Variants in TNNI3K observed in about 807,000 individuals in gnomAD.
TNNI3K encodes the protein serine/threonine-protein kinase TNNI3K.
In TNNI3K, 140 loss-of-function variants were observed where a neutral mutation model predicts 114.5. The observed-to-expected ratio is 1.22, with a 90% confidence interval of 1.07 to 1.41. TNNI3K has a LOEUF of 1.41. Among genes scored for constraint, TNNI3K ranks in the 40% most tolerant of loss-of-function variants. The probability of loss-of-function intolerance (pLI) is 0.00; values close to 1 mark genes in which losing one functional copy is unlikely to be tolerated. For missense variants in TNNI3K, 1,125 were observed against 1,007.6 expected (o/e 1.12, Z -1.58); for synonymous variants, 347 against 347.5 (o/e 1.00, Z 0.02).
chr1:74,401,218 T>C (rs1410766685), intron 17 of TNNI3K, among the ~76,000 whole-genome samples: 3 of 152,220 alleles, frequency 2.0e-5, no homozygotes, highest in African/African-American at 4.8e-5. Flanking sequence ...TGCATGCATA[T>C]GACACATCAA....
intron 2 of TNNI3K, 92 bp from the exon 3 acceptor site, chr1:74,249,367 G>GTA: frequency 7.9e-7 from 1 of 1,265,942 alleles, no homozygotes; most frequent in East Asian, 2.4e-5. Context: ...TTTCTGAATT[G>GTA]ATAGTAACAG....
intron 5 of TNNI3K, among the ~76,000 whole-genome samples, chr1:74,303,217 G>GGAGTT (rs1295741001): frequency 6.6e-6 from 1 of 152,014 alleles, no homozygotes; most frequent in Non-Finnish European, 1.5e-5. Flanking sequence ...ATTTTGATAT[G>GGAGTT]GAGTTTCACT....
chr1:74,310,679 C>G (rs1479183196), intron 5 of TNNI3K, among the ~76,000 whole-genome samples: 1 of 152,066 alleles, frequency 6.6e-6, no homozygotes, highest in South Asian at 2.1e-4. Flanking sequence ...CATACACTTA[C>G]AATTAAGCTT....
intron 23 of TNNI3K, among the ~76,000 whole-genome samples, chr1:74,499,945 C>G (rs1669522759): frequency 6.6e-6 from 1 of 152,058 alleles, no homozygotes; most frequent in South Asian, 2.1e-4. Context: ...TTTATTCTGT[C>G]TAGTATTTTT....
intron 23 of TNNI3K, among the ~76,000 whole-genome samples, chr1:74,507,337 C>T (rs1403728126): frequency 1.3e-5 from 2 of 151,708 alleles, no homozygotes; most frequent in Non-Finnish European, 1.5e-5. Flanking sequence ...ACTAGTTACC[C>T]ATCATGTTTG....
intron 21 of TNNI3K, among the ~76,000 whole-genome samples, chr1:74,488,508 A>G (rs1668880727): frequency 6.6e-6 from 1 of 152,156 alleles, no homozygotes; most frequent in Admixed American, 6.5e-5. Context: ...AAAGAAGACA[A>G]TTTTCTCAGA....
chr1:74,382,131 A>G (rs540497525), intron 17 of TNNI3K, among the ~76,000 whole-genome samples: 12 of 152,322 alleles, frequency 7.9e-5, no homozygotes, highest in African/African-American at 2.9e-4. Context: ...TCCTTCCTTC[A>G]GTAGTGAAAG....
In TNNI3K at chr1:74,235,419, A is replaced by G. The variant is rs751697680; in HGVS notation, c.-33A>G. The G allele has an allele frequency of 2.0e-6, 3 of 1,469,146 alleles. No homozygotes were observed. Among genetic ancestry groups the G allele is most frequent in the Admixed American group, 4.1e-5 (2 of 48,854 alleles). 91.0% of individuals were successfully genotyped at this position (1,469,146 alleles called of 1,614,324 possible). ...AACTTGGAATCTTATAACTTGAAGA[A>G]CTGCCCTGGAGAAAGGAAGAAACTT... On this transcript the variant is annotated 5_prime_UTR_variant, in exon 1 of 25. Coordinates refer to ENST00000326637, the MANE Select transcript of TNNI3K (RefSeq NM_015978.3).
At chr1:74,241,912 C>T (rs573615598) in intron 2 of TNNI3K, among the ~76,000 whole-genome samples, 180 of 149,520 alleles carry the variant, frequency 1.2e-3, no homozygotes, top group African/African-American at 3.7e-3. Flanking sequence ...TGCAGTGGCG[C>T]GATCTAGGCT....
intron 5 of TNNI3K, among the ~76,000 whole-genome samples, chr1:74,329,348 T>G (rs1660078790): frequency 6.6e-6 from 1 of 152,096 alleles, no homozygotes; most frequent in Non-Finnish European, 1.5e-5. Flanking sequence ...GGTTTTAATT[T>G]TTGTATTATA....
At chr1:74,351,253 T>C (rs1431884449) in intron 9 of TNNI3K, among the ~76,000 whole-genome samples, 1 of 151,646 alleles carries the variant, frequency 6.6e-6, no homozygotes, top group Non-Finnish European at 1.5e-5. Flanking sequence ...TATGAAATTC[T>C]GGGTTGAAAA....
At chr1:74,311,252 G>C (rs1261350433) in intron 5 of TNNI3K, among the ~76,000 whole-genome samples, 2 of 152,058 alleles carry the variant, frequency 1.3e-5, no homozygotes, top group Admixed American at 6.6e-5. Flanking sequence ...TGAGCAATTA[G>C]GAGTTAGAGT....
intron 23 of TNNI3K, among the ~76,000 whole-genome samples, chr1:74,509,369 G>A (rs974762157): frequency 3.3e-5 from 5 of 152,152 alleles, no homozygotes; most frequent in East Asian, 1.9e-4. Context: ...AAAATAAAGC[G>A]ATAGTCAATT....
intron 11 of TNNI3K, 109 bp from the exon 12 acceptor site, chr1:74,367,147 T>C (rs1662315490): frequency 9.7e-7 from 1 of 1,030,648 alleles, no homozygotes; most frequent in Non-Finnish European, 1.4e-6. Context: ...TTACCTCTTA[T>C]GATTTGTCCT....
At chr1:74,283,634 C>T (rs933762554) in intron 5 of TNNI3K, among the ~76,000 whole-genome samples, 1 of 152,136 alleles carries the variant, frequency 6.6e-6, no homozygotes, top group Non-Finnish European at 1.5e-5. Context: ...AAATTAGATT[C>T]AACGATTATT....
intron 17 of TNNI3K, among the ~76,000 whole-genome samples, chr1:74,406,322 T>G (rs565854096): frequency 6.6e-6 from 1 of 152,308 alleles, no homozygotes; most frequent in Admixed American, 6.5e-5. Flanking sequence ...TTTTTGTTAT[T>G]TTTTGTTGTT....
At chr1:74,253,095 T>G (rs1304176094) in intron 4 of TNNI3K, among the ~76,000 whole-genome samples, 1 of 152,170 alleles carries the variant, frequency 6.6e-6, no homozygotes, top group Non-Finnish European at 1.5e-5. Flanking sequence ...CCCACTAGAT[T>G]AGCTAGATAC....
intron 17 of TNNI3K, among the ~76,000 whole-genome samples, chr1:74,433,886 T>A (rs1411330513): frequency 6.6e-6 from 1 of 152,014 alleles, no homozygotes; most frequent in East Asian, 1.9e-4. Context: ...ATATTATTGC[T>A]CTTTAGTTAG....
At chr1:74,294,457 G>A (rs1005781885) in intron 5 of TNNI3K, among the ~76,000 whole-genome samples, 3 of 151,954 alleles carry the variant, frequency 2.0e-5, no homozygotes, top group East Asian at 1.9e-4. Context: ...GGCTCAGGGT[G>A]CATTTTGCAC....
Sources: gnomAD v4.1 joint callset for allele counts (sites outside exome capture counted in the v4.1 genomes callset) on GRCh38, gnomAD v4.1.1 for gene constraint, MANE v1.5 for transcripts, NCBI Gene and HGNC (gene_info 2026-07-23, HGNC 2026-07-21) for gene names.